THBS4: variants seen among roughly 807,000 people sequenced by gnomAD.
THBS4 encodes the protein thrombospondin 4.
A neutral mutation model predicts 115.7 loss-of-function variants in THBS4; 90 were observed. That is an observed-to-expected ratio of 0.78 (90% CI 0.66 to 0.93). The LOEUF is 0.93. Among genes scored for constraint, THBS4 ranks in the 40% least tolerant of loss-of-function variants. THBS4 has a pLI of 0.00. For missense variants in THBS4, 1,087 were observed against 1,232.7 expected (o/e 0.88, Z 1.77); for synonymous variants, 460 against 479.3 (o/e 0.96, Z 0.53).
chr5:80,073,574 C>T (rs187594961), intron 15 of THBS4, among the ~76,000 whole-genome samples: 7 of 152,144 alleles, frequency 4.6e-5, no homozygotes, highest in African/African-American at 9.6e-5. Context: ...TCAGTAGAGA[C>T]GGGGTTTCAC....
chr5:80,054,041 G>A (rs1378526828), intron 2 of THBS4, among the ~76,000 whole-genome samples: 3 of 152,054 alleles, frequency 2.0e-5, no homozygotes, highest in African/African-American at 4.8e-5. Flanking sequence ...GTGGGCTTAA[G>A]CAGATATGTG....
chr5:80,075,716 CT>C (rs1296133047), intron 15 of THBS4, among the ~76,000 whole-genome samples: 5 of 152,226 alleles, frequency 3.3e-5, no homozygotes, highest in Non-Finnish European at 7.3e-5. Flanking sequence ...AGGATAGGAA[CT>C]GCTTGTTTTT....
intron 2 of THBS4, among the ~76,000 whole-genome samples, chr5:80,024,785 T>C (rs2151159843): frequency 6.6e-6 from 1 of 152,312 alleles, no homozygotes; most frequent in South Asian, 2.1e-4. Context: ...TTAAATTAAT[T>C]ACAAGAAATG....
chr5:80,034,364 A>G (rs1175728821), upstream of THBS4, among the ~76,000 whole-genome samples: 1 of 152,212 alleles, frequency 6.6e-6, no homozygotes, highest in East Asian at 1.9e-4. Flanking sequence ...TTTGTGGCTT[A>G]TTAAACTTTG....
intron 2 of THBS4, among the ~76,000 whole-genome samples, chr5:80,051,581 T>C (rs1169814957): frequency 6.6e-6 from 1 of 152,106 alleles, no homozygotes; most frequent in African/African-American, 2.4e-5. Flanking sequence ...GAGTGTTACA[T>C]TGCAACAAAA....
In THBS4 at chr5:80,009,656, CA is replaced by C. The variant is rs55638827; in HGVS notation, n.177+11239del. 2.9e-3 allele frequency among the ~76,000 whole-genome samples: 431 copies of C among 148,668 alleles called. 4 individuals are homozygous for C. Among genetic ancestry groups the C allele is most frequent in the African/African-American group, 8.9e-3 (361 of 40,602 alleles). ...AATCTACTTCCAATGAAGAAAAACT[CA>C]AAAAAAAAACAGTGATTCAAACAAG... On this transcript the variant is annotated intron_variant and non_coding_transcript_variant, in intron 2 of 3. Coordinates refer to the THBS4 transcript ENST00000510218.
At position 80,070,367 on chromosome 5, in the gene THBS4, AC is replaced by A; in HGVS notation, c.1413del (p.Asp472ThrfsTer46). 2 of 1,613,090 alleles carry A rather than the reference AC, an allele frequency of 1.2e-6. No individual in the cohort carries two copies. The highest frequency in any genetic ancestry group is 1.7e-6 in the Non-Finnish European group (2 of 1,179,494). ...GGAAAGGATGTGGACATCGACAGTT[AC>A]CCCGACGAAGAACTGCCATGCTCTG... ...ICGKDVDIDS[Y>X]PDEELPCSAR... On this transcript the variant is annotated frameshift_variant, in exon 11 of 22. Transcript: ENST00000350881. LOFTEE classifies it high-confidence loss of function.
chr5:80,059,596 T>C (rs1833556468), intron 6 of THBS4, 105 bp downstream of exon 6: 1 of 1,590,874 alleles, frequency 6.3e-7, no homozygotes, highest in Non-Finnish European at 8.6e-7. Context: ...GTCTACCACA[T>C]AGTTGGAGGG....
chr5:80,039,255 A>G (rs1203616359), intron 1 of THBS4, among the ~76,000 whole-genome samples: 3 of 152,238 alleles, frequency 2.0e-5, no homozygotes, highest in African/African-American at 7.2e-5. Context: ...GATATACTAA[A>G]TAACTTCCAC....
At chr5:80,016,168 T>C (rs564135903) in intron 2 of THBS4, among the ~76,000 whole-genome samples, 1 of 152,338 alleles carries the variant, frequency 6.6e-6, no homozygotes, top group East Asian at 1.9e-4. Context: ...CCCTTTCTGA[T>C]TGACATGGTC....
At chr5:80,034,858 G>A (rs544057553), upstream of THBS4, among the ~76,000 whole-genome samples, 1 of 152,084 alleles carries the variant, frequency 6.6e-6, no homozygotes, top group South Asian at 2.1e-4. Context: ...CTGCTCTCTG[G>A]GCCACTTTAG....
At chr5:80,017,854 G>A (rs528992661) in intron 2 of THBS4, among the ~76,000 whole-genome samples, 1 of 151,982 alleles carries the variant, frequency 6.6e-6, no homozygotes, top group African/African-American at 2.4e-5. Flanking sequence ...TTTACTAATC[G>A]TGGGATTTGG....
intron 20 of THBS4, chr5:80,080,320 C>T (rs1225487638): frequency 3.5e-5 from 17 of 485,868 alleles, no homozygotes; most frequent in South Asian, 1.3e-4. Context: ...GCTGAGGGGA[C>T]GACCCAGCGT....
rs1039260044 is a variant in THBS4, at chr5:80,035,481, C to T, written c.-57C>T. Reference sequence around the variant, plus strand: ...GTTCAACGCACGGCCCGGGGACCCCCAGGCGGGGCCAACGCCGCCGTCGCC... The same window carrying T: ...GTTCAACGCACGGCCCGGGGACCCCTAGGCGGGGCCAACGCCGCCGTCGCC... On this transcript the variant is annotated 5_prime_UTR_variant, in exon 1 of 22. Transcript: ENST00000350881. The surrounding 1 kb of genome is among the most constrained non-coding windows in gnomAD (Gnocchi z 4.6). The T allele has an allele frequency of 4.9e-6, 6 of 1,225,070 alleles. No individual in the cohort carries two copies. The African/African-American group carries it at 7.9e-5, about 16-fold the overall frequency. The allele number at this position is 1,225,070 out of a possible 1,614,324, so 75.9% of individuals were successfully genotyped here.
intron 15 of THBS4, 97 bp from the exon 16 acceptor site, chr5:80,076,758 T>TA (rs1009290249): frequency 8.4e-5 from 107 of 1,274,588 alleles, no homozygotes; most frequent in Non-Finnish European, 1.0e-4. Flanking sequence ...AACCCTGGTT[T>TA]AAAAAAAACC....
chr5:80,078,987 G>A lies in THBS4; in HGVS notation c.2314+18G>A, dbSNP rs769710238. The A allele has an allele frequency of 6.2e-7, 1 of 1,614,004 alleles. No homozygotes were observed. Among genetic ancestry groups the A allele is most frequent in the African/African-American group, 1.3e-5 (1 of 75,052 alleles). ...GGCAGTGGGTATGTCCAGGGCCTCA[G>A]TTGCCACTCACATAGAATTCTTCCA... On this transcript the variant is annotated intron_variant, in intron 18 of 21. Coordinates refer to ENST00000350881, the MANE Select transcript of THBS4 (RefSeq NM_003248.6).
chr5:80,022,646 A>G (rs974231862), intron 2 of THBS4, among the ~76,000 whole-genome samples: 1 of 152,226 alleles, frequency 6.6e-6, no homozygotes, highest in African/African-American at 2.4e-5. Flanking sequence ...TGTGCAGCTC[A>G]TTTATTCAAA....
Position 80,079,227 on chromosome 5 carries a change from G to A in THBS4, c.2480G>A (p.Arg827Gln), listed in dbSNP as rs753756205. ...EQTYWQATPF[R>Q]AVAEPGIQLK... ...ACATATTGGCAAGCCACCCCATTCC[G>A]AGCAGTTGCAGAACCTGGCATTCAG... The change falls in exon 19 of 22, where the codon CGA (arginine) becomes CAA (glutamine). Residue 827 changes from arginine (R) to glutamine (Q), a missense_variant. By Grantham distance (43) the Arg-to-Gln change is conservative. Around this residue, in one of 3 missense-constraint regions of THBS4, gnomAD observed 979 missense variants for 1,103.7 expected, o/e 0.89. Transcript: ENST00000350881. 23 of 1,613,194 alleles carry A rather than the reference G, an allele frequency of 1.4e-5. No homozygotes were observed. The highest frequency in any genetic ancestry group is 1.7e-4 in the Middle Eastern group (1 of 6,050).
intron 14 of THBS4, 142 bp from the exon 15 acceptor site, chr5:80,073,133 T>G (rs563864297): frequency 2.2e-5 from 17 of 761,168 alleles, no homozygotes; most frequent in Non-Finnish European, 3.4e-5. Context: ...CAATATGGTG[T>G]TGTCCTTTTG....
Sources: gnomAD v4.1 joint callset for allele counts (sites outside exome capture counted in the v4.1 genomes callset) on GRCh38, gnomAD v4.1.1 for gene constraint, gnomAD v4.1.1 regional missense constraint, Gnocchi (gnomAD v3.1) non-coding constraint, MANE v1.5 for transcripts, NCBI Gene and HGNC (gene_info 2026-07-23, HGNC 2026-07-21) for gene names.